The following PDZD2 variants were observed in gnomAD, a reference collection of about 807,000 sequenced individuals.
PDZD2 encodes PDZ domain containing 2.
PDZD2 carries 90 observed loss-of-function variants against 220.7 expected under a neutral mutation model. The observed-to-expected ratio is 0.41, with a 90% CI of 0.34 to 0.49. The LOEUF is 0.49. PDZD2 is among the 20% of genes least tolerant of loss of function. The pLI is 0.28. For synonymous variants in PDZD2, 1,375 were observed against 1,450.5 expected (o/e 0.95, Z 1.18); for missense variants, 3,174 against 3,608.5 (o/e 0.88, Z 3.08).
At position 32,088,147 on chromosome 5, in the gene PDZD2, G is replaced by A; in HGVS notation, c.4699G>A (p.Glu1567Lys). Residue 1567 changes from glutamate to lysine, a missense_variant, in exon 20 of 25, where the codon GAA (glutamate) becomes AAA (lysine). By Grantham distance (56) the Glu-to-Lys change is moderately conservative (BLOSUM62 1). Coordinates refer to ENST00000438447, the MANE Select transcript of PDZD2 (RefSeq NM_178140.4). This position sits in a 1 kb window ranked among gnomAD's most constrained non-coding sequence, Gnocchi z 4.6. The part of the protein sequence containing the change: ...DSSSDPESLT[E>K]APRASARDGW... ...TTCTTCTGACCCTGAGTCACTCACTGAAGCCCCACGAGCTTCTGCCAGGGA... is the reference window on the plus strand; with the variant it reads ...TTCTTCTGACCCTGAGTCACTCACTAAAGCCCCACGAGCTTCTGCCAGGGA... The A allele has an allele frequency of 6.2e-7, 1 of 1,614,170 alleles. No individual in the cohort carries two copies. The highest frequency in any genetic ancestry group is 2.2e-5 in the East Asian group (1 of 44,878).
intron 14 of PDZD2, 146 bp from the exon 15 acceptor site, chr5:32,069,423 G>C: frequency 1.6e-6 from 1 of 623,026 alleles, no homozygotes. Flanking sequence ...CATGCTCTGA[G>C]TTACAGCTTC....
intron 2 of PDZD2, among the ~76,000 whole-genome samples, chr5:31,821,526 G>A (rs1363283223): frequency 3.3e-5 from 5 of 151,882 alleles, no homozygotes; most frequent in South Asian, 2.1e-4. Context: ...GACTACAGGC[G>A]TGCACCACCA....
At chr5:31,896,504 A>G (rs76606683) in intron 2 of PDZD2, among the ~76,000 whole-genome samples, 5,491 of 152,194 alleles carry the variant, frequency 0.036, 132 homozygotes, top group Non-Finnish European at 0.053. Flanking sequence ...CCGCTCAGAA[A>G]AAGTTTAGTG....
intron 1 of PDZD2, among the ~76,000 whole-genome samples, chr5:31,652,875 G>A (rs1745404489): frequency 6.6e-6 from 1 of 152,142 alleles, no homozygotes. Flanking sequence ...AGCTGGGCAT[G>A]GTGGTACACG....
intron 1 of PDZD2, among the ~76,000 whole-genome samples, chr5:31,719,437 C>T (rs1215269054): frequency 1.3e-5 from 2 of 152,300 alleles, no homozygotes; most frequent in East Asian, 3.9e-4. Context: ...ATCCACTGAA[C>T]TTGCCGACAA....
chr5:31,726,480 G>A (rs1354316704), intron 1 of PDZD2, among the ~76,000 whole-genome samples: 2 of 152,210 alleles, frequency 1.3e-5, no homozygotes, highest in African/African-American at 4.8e-5. Context: ...AGTAAGCCAA[G>A]ATTGTGCCAT....
intron 2 of PDZD2, among the ~76,000 whole-genome samples, chr5:31,933,067 C>A (rs200167731): frequency 6.6e-6 from 1 of 152,044 alleles, no homozygotes; most frequent in Non-Finnish European, 1.5e-5. Context: ...TGTGCCACCA[C>A]GCCTGGCCAA....
In PDZD2 at chr5:32,088,528, G is replaced by A; in HGVS notation, c.5080G>A (p.Glu1694Lys). 6.2e-7 allele frequency: 1 copy of A among 1,614,146 alleles called. No individual in the cohort carries two copies. The change falls in exon 20 of 25, where the codon GAA becomes AAA. Residue 1694 changes from glutamate (E) to lysine (K), a missense_variant. Physicochemically the swap from Glu to Lys is moderately conservative, Grantham distance 56. This residue lies in a region of PDZD2 where 1,861 missense variants were observed against 2,001.0 expected (regional missense o/e 0.93). Transcript: ENST00000438447. This position sits in a 1 kb window ranked among gnomAD's most constrained non-coding sequence, Gnocchi z 4.6. ...ACAGAACCACAGGCCCTCGTGTGCAGAAGAAACCACAGAAGTCACCAGCGC... is the reference window on the plus strand; with the variant it reads ...ACAGAACCACAGGCCCTCGTGTGCAAAAGAAACCACAGAAGTCACCAGCGC... ...TSQNHRPSCA[E>K]ETTEVTSASS...
At chr5:31,896,639 T>C (rs1298733487) in intron 2 of PDZD2, among the ~76,000 whole-genome samples, 5 of 152,180 alleles carry the variant, frequency 3.3e-5, no homozygotes, top group Non-Finnish European at 7.3e-5. Flanking sequence ...CATACGAATT[T>C]TTAAAATTGT....
At chr5:31,910,924 A>G (rs1023259307) in intron 2 of PDZD2, among the ~76,000 whole-genome samples, 4 of 152,180 alleles carry the variant, frequency 2.6e-5, no homozygotes, top group African/African-American at 4.8e-5. Flanking sequence ...TTTTAAATTT[A>G]ATATTAAATT....
At chr5:32,009,145 C>T (rs1003603499) in intron 5 of PDZD2, among the ~76,000 whole-genome samples, 2 of 151,724 alleles carry the variant, frequency 1.3e-5, no homozygotes. Context: ...GGGTTCGAGA[C>T]CAGCCTGGCC....
At position 32,008,928 on chromosome 5, in the gene PDZD2, G is replaced by A. The variant is rs745576503; in HGVS notation, c.1255-1402G>A. Among the ~76,000 whole-genome samples, 9 of 152,160 alleles carry A rather than the reference G, an allele frequency of 5.9e-5. No individual in the cohort carries two copies. The East Asian group carries it at 1.5e-3, about 26-fold the overall frequency. On this transcript the variant is annotated intron_variant, in intron 5 of 24. Coordinates refer to ENST00000438447, the MANE Select transcript of PDZD2 (RefSeq NM_178140.4). ...GGTCCCAGCAGAGGGAGCTGCTGGC[G>A]GAAAAGGCAGTGGGCAAGGAAGAGT...
At chr5:31,898,435 A>G (rs565321496) in intron 2 of PDZD2, among the ~76,000 whole-genome samples, 1 of 152,354 alleles carries the variant, frequency 6.6e-6, no homozygotes, top group East Asian at 1.9e-4. Flanking sequence ...CTCCTGTTGC[A>G]GCTGTTGAGT....
At chr5:31,822,832 T>C in intron 2 of PDZD2, 1 of 821,890 alleles carries the variant, frequency 1.2e-6, no homozygotes, top group Non-Finnish European at 2.0e-6. Context: ...GATAATGATG[T>C]TGATGGGGAA....
chr5:32,062,806 A>G (rs1581403242), intron 14 of PDZD2, among the ~76,000 whole-genome samples: 1 of 152,270 alleles, frequency 6.6e-6, no homozygotes, highest in East Asian at 1.9e-4. Flanking sequence ...TGACCATGAC[A>G]TTTAACGTGC....
At chr5:31,661,269 A>G (rs1745751599) in intron 1 of PDZD2, 1 of 152,238 alleles carries the variant, frequency 6.6e-6, no homozygotes, top group Non-Finnish European at 1.5e-5. Flanking sequence ...CAAACTCAAC[A>G]GAAAAGATGT....
intron 5 of PDZD2, among the ~76,000 whole-genome samples, chr5:32,006,382 C>G (rs1752804367): frequency 8.0e-6 from 1 of 125,494 alleles, no homozygotes; most frequent in African/African-American, 3.0e-5. Flanking sequence ...GAGACAGGGA[C>G]TTGCATTTTT....
chr5:31,910,408 T>TTC (rs1743072047), intron 2 of PDZD2, among the ~76,000 whole-genome samples: 1 of 59,028 alleles, frequency 1.7e-5, no homozygotes, highest in Non-Finnish European at 4.8e-5. Flanking sequence ...TTCTTTTCCT[T>TTC]TCTTTTTTTT....
intron 2 of PDZD2, chr5:31,823,004 G>A (rs1580827411): frequency 8.4e-7 from 1 of 1,191,420 alleles, no homozygotes; most frequent in East Asian, 3.3e-5. Flanking sequence ...AGAAGACTGA[G>A]TTCTACGTTG....
Sources: allele counts gnomAD v4.1 joint callset (sites outside exome capture counted in the v4.1 genomes callset), GRCh38; gene constraint gnomAD v4.1.1; regional missense constraint gnomAD v4.1.1; non-coding constraint Gnocchi (gnomAD v3.1); transcripts MANE v1.5; gene names NCBI Gene and HGNC (gene_info 2026-07-23, HGNC 2026-07-21).